PCDHA10: variants seen among roughly 807,000 people sequenced by gnomAD.
PCDHA10 encodes protocadherin alpha 10.
A neutral mutation model predicts 61.2 loss-of-function variants in PCDHA10; 45 were observed. That is an observed-to-expected ratio of 0.74 (90% CI 0.58 to 0.94). The LOEUF (loss-of-function observed/expected upper bound fraction) is 0.94. Ranked by LOEUF, PCDHA10 falls within the 40% of genes least tolerant of loss-of-function variation. PCDHA10 has a pLI of 0.00. For synonymous variants in PCDHA10, 602 were observed against 548.8 expected (o/e 1.10, Z -1.35); for missense variants, 1,278 against 1,236.2 (o/e 1.03, Z -0.51).
chr5:140,968,567 G>A (rs1586307422), intron 1 of PCDHA10: 1 of 1,614,156 alleles, frequency 6.2e-7, no homozygotes, highest in East Asian at 2.2e-5. Flanking sequence ...TGCCCCTGCT[G>A]GCTACCTGGT....
rs146340581 is a variant in PCDHA10, at chr5:140,957,263, C to T, written c.2389-21686C>T. On this transcript the variant is annotated intron_variant, in intron 1 of 3. Transcript: ENST00000307360. ...TCTACCTAAAATTTAAATATGTAAG[C>T]ACTAGTCCCCCCTTACCTGCAGTTT... Among the ~76,000 whole-genome samples, 73 of 152,260 alleles carry T rather than the reference C, an allele frequency of 4.8e-4. No homozygotes were observed. In the East Asian group the frequency reaches 0.01, roughly 22 times the overall value.
At chr5:140,972,729 T>G (rs574244702) in intron 1 of PCDHA10, among the ~76,000 whole-genome samples, 47 of 147,600 alleles carry the variant, frequency 3.2e-4, no homozygotes, top group African/African-American at 1.1e-3. Context: ...AGTGGCGTAA[T>G]CCCGGCTCAC....
intron 2 of PCDHA10, among the ~76,000 whole-genome samples, chr5:140,979,611 C>T (rs549836811): frequency 5.9e-5 from 9 of 152,266 alleles, no homozygotes; most frequent in South Asian, 2.1e-4. Flanking sequence ...CCTAGAGTAA[C>T]GGTATTAGTC....
chr5:140,982,843 A>G (rs782122104), intron 3 of PCDHA10, among the ~76,000 whole-genome samples: 1 of 152,090 alleles, frequency 6.6e-6, no homozygotes, highest in Non-Finnish European at 1.5e-5. Flanking sequence ...GTTTGTTTAA[A>G]TCAGGTACCT....
intron 1 of PCDHA10, among the ~76,000 whole-genome samples, chr5:140,951,423 C>T (rs1324305371): frequency 6.6e-6 from 1 of 152,014 alleles, no homozygotes; most frequent in Non-Finnish European, 1.5e-5. Flanking sequence ...CTCACAGTTC[C>T]ACAGGCTGTA....
rs932495728 is a variant in PCDHA10, at chr5:140,945,802, C to T, written c.2389-33147C>T. ...AGATGCAGAAAAATGAAACTAGACC[C>T]TTATCTCACACTGTATACAAAAGTC... On this transcript the variant is annotated intron_variant, in intron 1 of 3. Coordinates refer to ENST00000307360, the MANE Select transcript of PCDHA10 (RefSeq NM_018901.4). Among the ~76,000 whole-genome samples the T allele has an allele frequency of 5.9e-5, 9 of 152,202 alleles. No homozygotes were observed. The East Asian group carries it at 1.7e-3, about 29-fold the overall frequency.
In PCDHA10 at chr5:140,876,715, C is replaced by G. The variant is rs570565884; in HGVS notation, c.2388+18279C>G. 3.1e-5 allele frequency: 50 copies of G among 1,614,234 alleles called. No homozygotes were observed. The highest frequency in any genetic ancestry group is 3.3e-4 in the Middle Eastern group (2 of 6,062). On this transcript the variant is annotated intron_variant, in intron 1 of 3. Coordinates refer to ENST00000307360, the MANE Select transcript of PCDHA10 (RefSeq NM_018901.4). ...GTTGGTGCTGGACAGCGCCCTGGAC[C>G]GCGAGAGCGTGTCGGCCTATGAGCT...
intron 1 of PCDHA10, chr5:140,928,442 A>G (rs781976941): frequency 1.2e-6 from 2 of 1,614,166 alleles, no homozygotes; most frequent in South Asian, 1.1e-5. Flanking sequence ...GACTTTGAGC[A>G]GCTCAGGGGG....
chr5:140,994,377 G>T (rs1260163825), intron 3 of PCDHA10, among the ~76,000 whole-genome samples: 3 of 152,098 alleles, frequency 2.0e-5, no homozygotes, highest in Non-Finnish European at 4.4e-5. Context: ...GGAAATTCAG[G>T]GGACTAAGTC....
chr5:140,885,945 TA>T (rs2060787135), intron 1 of PCDHA10, among the ~76,000 whole-genome samples: 1 of 152,206 alleles, frequency 6.6e-6, no homozygotes, highest in Non-Finnish European at 1.5e-5. Flanking sequence ...TTGACATTTT[TA>T]ATTAAAATTT....
At chr5:140,977,307 G>C (rs1023836424) in intron 1 of PCDHA10, among the ~76,000 whole-genome samples, 1 of 152,186 alleles carries the variant, frequency 6.6e-6, no homozygotes, top group Admixed American at 6.5e-5. Flanking sequence ...ACAAGCTAAC[G>C]ATAGTGCTCC....
chr5:140,859,512 T>A, intron 1 of PCDHA10: 1 of 196,766 alleles, frequency 5.1e-6, no homozygotes, highest in South Asian at 1.4e-4. Context: ...TACCCATGAT[T>A]TCATTTTTAA....
At chr5:140,943,139 T>A (rs2093424349) in intron 1 of PCDHA10, among the ~76,000 whole-genome samples, 2 of 151,168 alleles carry the variant, frequency 1.3e-5, no homozygotes, top group Admixed American at 6.6e-5. Context: ...GTGCCTGTAG[T>A]CCCAGCTACT....
rs2044488261 is a variant in PCDHA10, at chr5:140,857,296, G to C, written c.1248G>C (p.Arg416Ser). The change falls in exon 1 of 4, where the codon AGG becomes AGC. Residue 416 changes from arginine to serine, a missense_variant. By Grantham distance (110) the Arg-to-Ser change is moderately radical (BLOSUM62 -1). Coordinates refer to ENST00000307360, the MANE Select transcript of PCDHA10 (RefSeq NM_018901.4). ...TGGACAGCGCTCTGGACCGCGAGAG[G>C]GTGTCGGCCTATGAGCTGGTGGTGA... The part of the protein sequence containing the change: ...LVLDSALDRE[R>S]VSAYELVVTA... 3 of 1,598,562 alleles carry C rather than the reference G, an allele frequency of 1.9e-6. No individual in the cohort carries two copies. Among genetic ancestry groups the C allele is most frequent in the Admixed American group, 3.4e-5 (2 of 59,324 alleles).
intron 3 of PCDHA10, among the ~76,000 whole-genome samples, chr5:140,983,631 C>T (rs1336337529): frequency 2.0e-5 from 3 of 152,134 alleles, no homozygotes; most frequent in African/African-American, 7.2e-5. Context: ...AAGAAATGTA[C>T]CCAAGTTCAC....
At chr5:140,887,059 C>G (rs1474485995) in intron 1 of PCDHA10, among the ~76,000 whole-genome samples, 1 of 151,642 alleles carries the variant, frequency 6.6e-6, no homozygotes, top group Non-Finnish European at 1.5e-5. Flanking sequence ...TATGTTCTGG[C>G]AACAAATTCA....
chr5:140,968,637 T>C, intron 1 of PCDHA10: 1 of 1,614,208 alleles, frequency 6.2e-7, no homozygotes. Flanking sequence ...TTTTACCATC[T>C]AGCCCAGACT....
intron 1 of PCDHA10, among the ~76,000 whole-genome samples, chr5:140,890,365 T>A: frequency 6.6e-6 from 1 of 152,216 alleles, no homozygotes; most frequent in Non-Finnish European, 1.5e-5. Context: ...ATGGATAACC[T>A]GAACAAGTAC....
intron 3 of PCDHA10, among the ~76,000 whole-genome samples, chr5:140,997,644 ATGCAATAT>A (rs1287449551): frequency 7.9e-5 from 12 of 151,656 alleles, no homozygotes; most frequent in African/African-American, 2.9e-4. Flanking sequence ...AAATGGGATA[ATGCAATAT>A]GTATTATTAT....
Sources: gnomAD v4.1 joint callset for allele counts (sites outside exome capture counted in the v4.1 genomes callset) on GRCh38, gnomAD v4.1.1 for gene constraint, MANE v1.5 for transcripts, NCBI Gene and HGNC (gene_info 2026-07-23, HGNC 2026-07-21) for gene names.